TIAM1: variants seen among roughly 807,000 people sequenced by gnomAD.
TIAM1 encodes rho guanine nucleotide exchange factor TIAM1.
TIAM1 carries 65 observed loss-of-function variants against 163.5 expected under a neutral mutation model. The ratio of observed to expected loss-of-function variants is 0.40; its 90% CI spans 0.33 to 0.49. TIAM1 has a LOEUF of 0.49. Among genes scored for constraint, TIAM1 ranks in the 20% least tolerant of loss-of-function variants. The pLI is 0.77. For missense variants in TIAM1, 1,789 were observed against 2,044.7 expected (o/e 0.87, Z 2.41); for synonymous variants, 833 against 810.1 (o/e 1.03, Z -0.48).
At chr21:31,469,967 C>T (rs1452512267) in intron 1 of TIAM1, among the ~76,000 whole-genome samples, 2 of 151,110 alleles carry the variant, frequency 1.3e-5, no homozygotes, top group African/African-American at 2.4e-5. Flanking sequence ...TCTGAGGAGG[C>T]TCCGAGTGTT....
chr21:31,501,485 C>T (rs1344962354), intron 1 of TIAM1, among the ~76,000 whole-genome samples: 1 of 152,116 alleles, frequency 6.6e-6, no homozygotes, highest in East Asian at 1.9e-4. Context: ...ACCAAAGTGA[C>T]CCAAGCTCGA....
intron 1 of TIAM1, among the ~76,000 whole-genome samples, chr21:31,489,716 C>G (rs1050952329): frequency 6.6e-6 from 1 of 152,068 alleles, no homozygotes; most frequent in African/African-American, 2.4e-5. Context: ...ATAAACACTC[C>G]CTGGAGTCTG....
At chr21:31,448,466 C>T (rs1050143401) in intron 2 of TIAM1, among the ~76,000 whole-genome samples, 2 of 151,864 alleles carry the variant, frequency 1.3e-5, no homozygotes, top group African/African-American at 4.8e-5. Flanking sequence ...ATTAGCTAGG[C>T]GTGGTAATGC....
chr21:31,462,049 G>A (rs1375642875), intron 2 of TIAM1, among the ~76,000 whole-genome samples: 1 of 152,178 alleles, frequency 6.6e-6, no homozygotes, highest in Admixed American at 6.5e-5. Context: ...TGTCGGGGAC[G>A]AGAAGTATTC....
chr21:31,274,228 C>T (rs973515067), intron 3 of TIAM1, among the ~76,000 whole-genome samples: 3 of 151,794 alleles, frequency 2.0e-5, no homozygotes, highest in Admixed American at 1.3e-4. Context: ...AAAAAAAGTA[C>T]ATGAGTAAAC....
intron 26 of TIAM1, among the ~76,000 whole-genome samples, chr21:31,126,803 G>A (rs755304031): frequency 1.3e-5 from 2 of 152,066 alleles, no homozygotes; most frequent in Admixed American, 6.5e-5. Context: ...ATAAGTAGAA[G>A]CCCACATCAT....
chr21:31,210,537 A>AGAAG (rs2086672856), intron 10 of TIAM1, among the ~76,000 whole-genome samples: 2 of 59,580 alleles, frequency 3.4e-5, no homozygotes, highest in Admixed American at 2.1e-4. Flanking sequence ...AGGAAGGAAA[A>AGAAG]GAAAGAAAGA....
chr21:31,373,214 C>T (rs1019128465), intron 2 of TIAM1, among the ~76,000 whole-genome samples: 6 of 152,124 alleles, frequency 3.9e-5, no homozygotes, highest in African/African-American at 1.4e-4. Flanking sequence ...CATTTGAGCC[C>T]GAGAGGCAGA....
intron 3 of TIAM1, among the ~76,000 whole-genome samples, chr21:31,268,818 T>A (rs1006825844): frequency 6.6e-6 from 1 of 152,236 alleles, no homozygotes; most frequent in South Asian, 2.1e-4. Flanking sequence ...TAAATAAATA[T>A]GCATTTCAAT....
At chr21:31,546,268 GAGGCC>G (rs1307949781) in intron 1 of TIAM1, among the ~76,000 whole-genome samples, 2 of 151,032 alleles carry the variant, frequency 1.3e-5, no homozygotes, top group African/African-American at 4.9e-5. Flanking sequence ...AAAGAAACCA[GAGGCC>G]AGGCTCAGTG....
intron 1 of TIAM1, among the ~76,000 whole-genome samples, chr21:31,516,075 T>C (rs1602467944): frequency 1.5e-5 from 2 of 130,670 alleles, no homozygotes; most frequent in South Asian, 2.4e-4. Flanking sequence ...GTCACCACAC[T>C]CCGGCATGGG....
At chr21:31,319,152 T>C (rs780475610) in intron 2 of TIAM1, among the ~76,000 whole-genome samples, 1 of 152,204 alleles carries the variant, frequency 6.6e-6, no homozygotes, top group African/African-American at 2.4e-5. Flanking sequence ...CTTTTGTTTC[T>C]GGAGCTTTAC....
chr21:31,553,695 A>G (rs529576914), intron 1 of TIAM1, among the ~76,000 whole-genome samples: 3 of 152,224 alleles, frequency 2.0e-5, no homozygotes, highest in African/African-American at 4.8e-5. Flanking sequence ...CTTTCCCAAC[A>G]GACAATGGAG....
intron 2 of TIAM1, among the ~76,000 whole-genome samples, chr21:31,279,543 A>T (rs890313546): frequency 6.6e-6 from 1 of 152,336 alleles, no homozygotes; most frequent in African/African-American, 2.4e-5. Flanking sequence ...GCATCCGGTC[A>T]TATCTTGGCT....
chr21:31,196,406 G>A (rs923919752), intron 12 of TIAM1, among the ~76,000 whole-genome samples: 2 of 151,144 alleles, frequency 1.3e-5, no homozygotes, highest in East Asian at 3.9e-4. Flanking sequence ...CCATCTCCCA[G>A]GTTCAAGCAA....
intron 4 of TIAM1, among the ~76,000 whole-genome samples, chr21:31,260,722 A>T (rs1160780082): frequency 6.7e-6 from 1 of 150,150 alleles, no homozygotes; most frequent in East Asian, 2.0e-4. Context: ...AGCATCAAAC[A>T]GAAGATAGAG....
chr21:31,336,750 G>A (rs1437282993), intron 2 of TIAM1, among the ~76,000 whole-genome samples: 1 of 152,132 alleles, frequency 6.6e-6, no homozygotes, highest in Non-Finnish European at 1.5e-5. Context: ...AATCACAGTG[G>A]CTGGGGCAGT....
At chr21:31,152,925 T>C (rs956734164) in intron 18 of TIAM1, 141 bp downstream of exon 18, 43 of 1,258,628 alleles carry the variant, frequency 3.4e-5, no homozygotes, top group Non-Finnish European at 4.4e-5. Context: ...ACACCAAAGC[T>C]TAGCAGGCAA....
In TIAM1 at chr21:31,266,585, C is replaced by T; in HGVS notation, c.388G>A (p.Glu130Lys). The change falls in exon 4 of 28, where the codon GAG (glutamate) becomes AAG (lysine). Residue 130 changes from glutamate (E) to lysine (K), a missense_variant. Physicochemically the swap from Glu to Lys is moderately conservative, Grantham distance 56. Coordinates refer to ENST00000541036, the MANE Select transcript of TIAM1 (RefSeq NM_001353694.2). ...TCATCCCCGTAAAGCCTGCTCTCCT[C>T]AGTGTCTGGCATGCTCTGCACAGAG... is the stretch of plus-strand genomic sequence containing the variant. Reference protein sequence around the residue: ...AASVQSMPDTEESRLYGDDAT... With the variant: ...AASVQSMPDTKESRLYGDDAT... 1 of 1,614,222 alleles carries T rather than the reference C, an allele frequency of 6.2e-7. No homozygotes were observed. The highest frequency in any genetic ancestry group is 8.5e-7 in the Non-Finnish European group (1 of 1,180,044).
Sources: gnomAD v4.1 joint callset for allele counts (sites outside exome capture counted in the v4.1 genomes callset) on GRCh38, gnomAD v4.1.1 for gene constraint, MANE v1.5 for transcripts, NCBI Gene and HGNC (gene_info 2026-07-23, HGNC 2026-07-21) for gene names.